APOL2: variants seen among roughly 807,000 people sequenced by gnomAD.
The protein encoded by APOL2 is apolipoprotein L, 2.
Under a neutral mutation model 7.1 loss-of-function variants are expected in APOL2, and 8 were observed. That is an observed-to-expected ratio of 1.12 (90% CI 0.66 to 2.03). APOL2 has a LOEUF of 2.03. Among genes scored for constraint, APOL2 ranks in the 30% most tolerant of loss-of-function variants. The probability of loss-of-function intolerance (pLI) is 0.00; values close to 1 mark genes in which losing one functional copy is unlikely to be tolerated. For synonymous variants in APOL2, 177 were observed against 159.9 expected (o/e 1.11, Z -0.81); for missense variants, 471 against 415.1 (o/e 1.13, Z -1.17).
In APOL2 at chr22:36,239,477, CA is replaced by C; in HGVS notation, c.-171del. On this transcript the variant is annotated 5_prime_UTR_variant, in exon 1 of 5. The change abolishes the stop of an existing upstream ORF in the 5' untranslated region. Transcript: ENST00000358502. ...CCTCTGACAGAGACTGAGCAAGATC[CA>C]ACTGTTCTGAGCTGTGTGGATCCCA... 1 of 1,580,812 alleles carries C rather than the reference CA, an allele frequency of 6.3e-7. No homozygotes were observed. Among genetic ancestry groups the C allele is most frequent in the Non-Finnish European group, 8.5e-7 (1 of 1,170,154 alleles).
chr22:36,239,554 G>C, upstream of APOL2: 2 of 1,548,040 alleles, frequency 1.3e-6, no homozygotes, highest in African/African-American at 1.4e-5. Context: ...CGGCCTCCCA[G>C]ATATACCCTG....
chr22:36,230,914 CAAG>C (rs1203940273), intron 4 of APOL2, among the ~76,000 whole-genome samples: 6 of 152,282 alleles, frequency 3.9e-5, no homozygotes, highest in South Asian at 2.1e-4. Flanking sequence ...CTCCCATCTT[CAAG>C]AAGAAGATCC....
intron 1 of APOL2, among the ~76,000 whole-genome samples, chr22:36,234,051 G>A (rs2015320871): frequency 1.3e-5 from 2 of 152,174 alleles, no homozygotes; most frequent in South Asian, 2.1e-4. Flanking sequence ...ATGCTTCCCC[G>A]TCCCCTCTGC....
intron 1 of APOL2, among the ~76,000 whole-genome samples, chr22:36,238,094 C>T (rs185290509): frequency 1.0e-3 from 155 of 152,260 alleles, no homozygotes; most frequent in Middle Eastern, 3.4e-3. Context: ...GCTCTTTGGG[C>T]CTCTGTCTCC....
At position 36,233,235 on chromosome 22, in the gene APOL2, C is replaced by G; in HGVS notation, c.-73G>C. 1 of 1,614,072 alleles carries G rather than the reference C, an allele frequency of 6.2e-7. No homozygotes were observed. The highest frequency in any genetic ancestry group is 8.5e-7 in the Non-Finnish European group (1 of 1,179,986). On this transcript the variant is annotated 5_prime_UTR_variant, in exon 3 of 5. Transcript: ENST00000358502. ...TCACTGTCCAGACTGGAAGGTTTTC[C>G]TTAACCCTTGAGAACGAGAAAACAA...
chr22:36,229,241 A>C (rs1326490698), intron 4 of APOL2, among the ~76,000 whole-genome samples: 1 of 152,158 alleles, frequency 6.6e-6, no homozygotes, highest in Non-Finnish European at 1.5e-5. Context: ...CCAGTTTAGC[A>C]GGAACCCCCC....
chr22:36,232,352 C>A (rs2015251267), intron 3 of APOL2, among the ~76,000 whole-genome samples: 1 of 152,212 alleles, frequency 6.6e-6, no homozygotes, highest in Non-Finnish European at 1.5e-5. Flanking sequence ...CCCTGGTCAG[C>A]AGGTGCTTGT....
In APOL2 at chr22:36,237,229, C is replaced by T. The variant is rs2015437677; in HGVS notation, c.-134+2212G>A. 3 of 1,376,152 alleles carry T rather than the reference C, an allele frequency of 2.2e-6. No homozygotes were observed. In the African/African-American group the frequency reaches 4.5e-5, roughly 21 times the overall value. The allele number at this position is 1,376,152 out of a possible 1,614,324, so 85.2% of individuals were successfully genotyped here. A position where few individuals can be genotyped will look rare whatever the true frequency, so the allele number is the denominator to read the frequency against. ...TCCATGGGTGAGCCTGCAGGCTGGT[C>T]AATTCCGGTGTCCAACTGAGCGACC... is the stretch of plus-strand genomic sequence containing the variant. On this transcript the variant is annotated intron_variant, in intron 1 of 4. Coordinates refer to ENST00000358502, the MANE Select transcript of APOL2 (RefSeq NM_030882.4).
intron 1 of APOL2, 118 bp from the exon 2 acceptor site, chr22:36,233,573 G>C: frequency 1.1e-6 from 1 of 932,626 alleles, no homozygotes; most frequent in Non-Finnish European, 1.6e-6. Context: ...AATGACCTGG[G>C]CCTGGGAACA....
In APOL2 at chr22:36,239,427, T is replaced by C. The variant is rs763881243; in HGVS notation, c.-134+14A>G. 152 of 1,541,756 alleles carry C rather than the reference T, an allele frequency of 9.9e-5. 1 individual carries two copies. The highest frequency in any genetic ancestry group is 5.0e-4 in the Middle Eastern group (3 of 5,992). ...ATAAGGACATGGGGGTAGATCACAC[T>C]ATCCCCAACTTACCAAGGGATCTTC... On this transcript the variant is annotated intron_variant, in intron 1 of 4. Transcript: ENST00000358502.
chr22:36,233,012 G>C (rs1210730026), intron 3 of APOL2, 141 bp downstream of exon 3: 2 of 865,056 alleles, frequency 2.3e-6, no homozygotes, highest in Admixed American at 2.0e-5. Flanking sequence ...GGGACTCCAC[G>C]TGACCTCTTC....
At position 36,227,517 on chromosome 22, in the gene APOL2, C is replaced by T; in HGVS notation, c.901G>A (p.Gly301Arg). 6.2e-7 allele frequency: 1 copy of T among 1,614,168 alleles called. No homozygotes were observed. The highest frequency in any genetic ancestry group is 2.2e-5 in the East Asian group (1 of 44,880). Residue 301 changes from glycine (G) to arginine (R), a missense_variant, in exon 5 of 5, where the codon GGG (glycine) becomes AGG (arginine). Transcript: ENST00000358502. ...TCCTCAGCTGACTCTGACTTTGCCC[C>T]CTCAAGCAAGTGCTTTGACTCATAT... ...LAYESKHLLE[G>R]AKSESAEELK... is the part of the protein sequence containing the mutation.
chr22:36,229,251 C>T (rs994141480), intron 4 of APOL2, among the ~76,000 whole-genome samples: 1 of 152,192 alleles, frequency 6.6e-6, no homozygotes, highest in African/African-American at 2.4e-5. Context: ...AGGAACCCCC[C>T]ACTCTGGCGT....
intron 3 of APOL2, 134 bp from the exon 4 acceptor site, chr22:36,231,600 G>C: frequency 4.6e-6 from 5 of 1,096,196 alleles, no homozygotes; most frequent in Non-Finnish European, 6.5e-6. Context: ...AGTCATCAGT[G>C]CTATAGAGGG....
Position 36,227,385 on chromosome 22 carries a change from T to C in APOL2, c.*19A>G, listed in dbSNP as rs2015039414. On this transcript the variant is annotated 3_prime_UTR_variant, in exon 5 of 5. Coordinates refer to ENST00000358502, the MANE Select transcript of APOL2 (RefSeq NM_030882.4). The stretch of plus-strand genomic sequence containing the variant: ...CCTGTGCCCGGCATTTCTGCCCTGG[T>C]GGCTGCACTGCTCTGGGGTCATTGG... 6.4e-7 allele frequency: 1 copy of C among 1,562,664 alleles called. No individual in the cohort carries two copies. Among genetic ancestry groups the C allele is most frequent in the Non-Finnish European group, 8.7e-7 (1 of 1,154,266 alleles).
At chr22:36,235,748 GGTGGGTGGGTGTGTGTGT>G (rs1452397006) in intron 1 of APOL2, among the ~76,000 whole-genome samples, 1 of 110,698 alleles carries the variant, frequency 9.0e-6, no homozygotes, top group Non-Finnish European at 1.8e-5. Context: ...AGAAAGGGTG[GGTGGGTGGGTGTGTGTGT>G]GTGTGTGTGT....
At chr22:36,238,365 C>T (rs2015481359) in intron 1 of APOL2, among the ~76,000 whole-genome samples, 1 of 152,166 alleles carries the variant, frequency 6.6e-6, no homozygotes, top group Non-Finnish European at 1.5e-5. Context: ...AAGACCATGA[C>T]TCATATTTCA....
chr22:36,239,583 G>A (rs1288079716), upstream of APOL2: 4 of 1,422,054 alleles, frequency 2.8e-6, no homozygotes, highest in African/African-American at 4.2e-5. Context: ...AAGGGAAAGT[G>A]AAAGTCACAA....
chr22:36,233,960 C>A (rs957949382), intron 1 of APOL2, among the ~76,000 whole-genome samples: 1 of 152,292 alleles, frequency 6.6e-6, no homozygotes, highest in Non-Finnish European at 1.5e-5. Context: ...CCCGTTGCTT[C>A]TCTAAGATTC....
Sources: allele counts gnomAD v4.1 joint callset (sites outside exome capture counted in the v4.1 genomes callset), GRCh38; gene constraint gnomAD v4.1.1; transcripts MANE v1.5; gene names NCBI Gene and HGNC (gene_info 2026-07-23, HGNC 2026-07-21).